Variants in FBN2 observed in about 807,000 individuals in gnomAD.
The protein encoded by FBN2 is fibrillin-2.
A neutral mutation model predicts 355.6 loss-of-function variants in FBN2; 105 were observed. The observed-to-expected ratio is 0.30, with a 90% confidence interval of 0.25 to 0.35. The LOEUF is 0.35. Ranked by LOEUF, FBN2 falls within the 10% of genes least tolerant of loss-of-function variation. The pLI, the probability that FBN2 is intolerant of heterozygous loss-of-function variation, is 1.00. For missense variants in FBN2, 3,280 were observed against 3,758.7 expected, an observed-to-expected ratio of 0.87 and a Z score of 3.33; for synonymous variants, 1,350 against 1,301.2, an observed-to-expected ratio of 1.04 and a Z score of -0.81.
At chr5:128,297,231 A>G (rs1476246677) in intron 48 of FBN2, among the ~76,000 whole-genome samples, 1 of 152,084 alleles carries the variant, frequency 6.6e-6, no homozygotes, top group African/African-American at 2.4e-5. Flanking sequence ...GTTCTTTTAC[A>G]TTTCTGAGGA....
intron 8 of FBN2, among the ~76,000 whole-genome samples, chr5:128,404,235 A>G (rs1488991108): frequency 6.6e-6 from 1 of 152,248 alleles, no homozygotes; most frequent in Non-Finnish European, 1.5e-5. Context: ...TCTCGTACAC[A>G]TTAATATGTT....
rs1447902007 is a variant in FBN2 at position 128,519,359 on chromosome 5, T to C, written c.542A>G (p.Glu181Gly). ...IGTYCGQPVCENGCQNGGRCI... is the reference protein window; with the variant it reads ...IGTYCGQPVCGNGCQNGGRCI... ...ACGTCCACCATTCTGACATCCATTT[T>C]CACAGACAGCTGCATACAAAAATAG... Residue 181 changes from glutamate (E) to glycine (G), a missense_variant, in exon 5 of 65, where the codon GAA becomes GGA. Coordinates refer to ENST00000262464, the MANE Select transcript of FBN2 (RefSeq NM_001999.4). 1 of 1,613,776 alleles carries C rather than the reference T, an allele frequency of 6.2e-7. No individual in the cohort carries two copies. Among genetic ancestry groups the C allele is most frequent in the East Asian group, 2.2e-5 (1 of 44,870 alleles).
At chr5:128,412,586 C>T (rs1252245372) in intron 7 of FBN2, among the ~76,000 whole-genome samples, 3 of 152,132 alleles carry the variant, frequency 2.0e-5, no homozygotes. Context: ...ACAACAACAA[C>T]AACAACAAAA....
At chr5:128,436,048 G>A (rs1359536330) in intron 7 of FBN2, among the ~76,000 whole-genome samples, 3 of 152,148 alleles carry the variant, frequency 2.0e-5, no homozygotes, top group Admixed American at 2.0e-4. Flanking sequence ...AATTCCCCAT[G>A]AAATATGGCT....
chr5:128,304,823 G>T, intron 45 of FBN2, 134 bp downstream of exon 45: 1 of 1,119,272 alleles, frequency 8.9e-7, no homozygotes, highest in Non-Finnish European at 1.4e-6. Context: ...GACTTAAATA[G>T]TTTGACCTAG....
chr5:128,316,901 C>G (rs1044165346), intron 36 of FBN2, among the ~76,000 whole-genome samples: 12 of 152,132 alleles, frequency 7.9e-5, no homozygotes, highest in Non-Finnish European at 1.5e-5. Context: ...TAACAGGCAT[C>G]AATATCTTTT....
At chr5:128,374,148 T>C (rs888975043) in intron 15 of FBN2, among the ~76,000 whole-genome samples, 22 of 152,290 alleles carry the variant, frequency 1.4e-4, no homozygotes, top group African/African-American at 4.8e-4. Context: ...CATCAGAGCC[T>C]TCTGTAGGTT....
chr5:128,459,920 C>T (rs986646515), intron 6 of FBN2, among the ~76,000 whole-genome samples: 2 of 152,296 alleles, frequency 1.3e-5, no homozygotes, highest in South Asian at 4.1e-4. Flanking sequence ...AGGATCCCCT[C>T]TCTCACCACT....
intron 7 of FBN2, among the ~76,000 whole-genome samples, chr5:128,421,234 G>A (rs767647837): frequency 6.6e-6 from 1 of 152,178 alleles, no homozygotes; most frequent in Non-Finnish European, 1.5e-5. Context: ...AAGCAGGCAA[G>A]GAGAGTGATC....
chr5:128,276,208 C>A (rs1765391410), intron 58 of FBN2, 48 bp from the exon 59 acceptor site: 1 of 1,592,584 alleles, frequency 6.3e-7, no homozygotes. Context: ...AAAGAAACAA[C>A]CAGACTCTTT....
intron 27 of FBN2, among the ~76,000 whole-genome samples, chr5:128,337,066 T>C (rs1750860066): frequency 1.3e-5 from 2 of 152,210 alleles, no homozygotes; most frequent in African/African-American, 4.8e-5. Flanking sequence ...TAAACTTAGA[T>C]CTGTGACTCA....
chr5:128,441,661 G>A (rs1267680504), intron 7 of FBN2, among the ~76,000 whole-genome samples: 2 of 152,186 alleles, frequency 1.3e-5, no homozygotes, highest in East Asian at 1.9e-4. Context: ...CCTGCTGGCA[G>A]AGTCAGGCAA....
At chr5:128,471,736 G>A (rs1426840845) in intron 5 of FBN2, among the ~76,000 whole-genome samples, 2 of 152,056 alleles carry the variant, frequency 1.3e-5, no homozygotes, top group Non-Finnish European at 2.9e-5. Flanking sequence ...CTTATTTAGA[G>A]TTATGATGAT....
At chr5:128,361,919 ATTTTG>A in intron 18 of FBN2, 71 bp from the exon 19 acceptor site, 2 of 1,461,232 alleles carry the variant, frequency 1.4e-6, no homozygotes, top group Non-Finnish European at 1.9e-6. Flanking sequence ...GCAATGTTTA[ATTTTG>A]TTATTTGTTT....
chr5:128,486,121 C>T (rs1448653437), intron 5 of FBN2, among the ~76,000 whole-genome samples: 1 of 151,860 alleles, frequency 6.6e-6, no homozygotes, highest in Non-Finnish European at 1.5e-5. Context: ...TGTTATCTGC[C>T]CTATAGTTTT....
At chr5:128,385,054 T>C (rs1391941108) in intron 11 of FBN2, among the ~76,000 whole-genome samples, 1 of 152,140 alleles carries the variant, frequency 6.6e-6, no homozygotes, top group East Asian at 1.9e-4. Flanking sequence ...CACATATATT[T>C]TTCTTTCCAA....
intron 8 of FBN2, among the ~76,000 whole-genome samples, chr5:128,400,820 G>T (rs1006385108): frequency 2.0e-5 from 3 of 152,150 alleles, no homozygotes; most frequent in African/African-American, 4.8e-5. Flanking sequence ...ATATGGTTTG[G>T]TTGTGTCCCC....
rs986824880 is a variant in FBN2, at chr5:128,338,869, T to C, written c.3472+64A>G. 1.6e-5 allele frequency: 25 copies of C among 1,551,498 alleles called. No individual in the cohort carries two copies. The African/African-American group carries it at 2.3e-4, about 14-fold the overall frequency. On this transcript the variant is annotated intron_variant, in intron 26 of 64. Transcript: ENST00000262464. ...ACAGCCCAGAGATAAGCAAAGGTCA[T>C]GCGCACGAATGAGTCTGTGCTAGTA...
chr5:128,383,066 A>C (rs960348968), intron 11 of FBN2, among the ~76,000 whole-genome samples: 16 of 152,114 alleles, frequency 1.1e-4, no homozygotes, highest in African/African-American at 3.9e-4. Context: ...AACACAGTGA[A>C]TATCATAACT....
Sources: allele counts gnomAD v4.1 joint callset (sites outside exome capture counted in the v4.1 genomes callset), GRCh38; gene constraint gnomAD v4.1.1; transcripts MANE v1.5; gene names NCBI Gene and HGNC (gene_info 2026-07-23, HGNC 2026-07-21).